ENKUR: variants seen among roughly 807,000 people sequenced by gnomAD.
ENKUR encodes enkurin.
A neutral mutation model predicts 27.6 loss-of-function variants in ENKUR; 19 were observed. The observed-to-expected ratio is 0.69, with a 90% CI of 0.48 to 1.01. The LOEUF (loss-of-function observed/expected upper bound fraction) is 1.01, where lower values mean the gene tolerates loss of function less well. Among genes scored for constraint, ENKUR ranks in the 50% least tolerant of loss-of-function variants. ENKUR has a pLI of 0.00. For synonymous variants in ENKUR, 117 were observed against 96.9 expected (o/e 1.21, Z -1.22); for missense variants, 312 against 310.5 (o/e 1.00, Z -0.04).
chr10:25,023,627 A>G, intron 2 of ENKUR: 9 of 1,614,184 alleles, frequency 5.6e-6, no homozygotes, highest in African/African-American at 1.3e-5. Flanking sequence ...ACTGGGTCCA[A>G]TCCAATGCAT....
At chr10:25,058,131 A>T in intron 2 of ENKUR, among the ~76,000 whole-genome samples, 1 of 152,060 alleles carries the variant, frequency 6.6e-6, no homozygotes, top group Non-Finnish European at 1.5e-5. Context: ...TTCCTGGTTC[A>T]GGAAGGTCTT....
Position 25,061,246 on chromosome 10 carries a change from G to A in ENKUR, c.-98C>T, listed in dbSNP as rs111240000. The A allele has an allele frequency of 6.4e-4, 671 of 1,056,588 alleles. 6 individuals are homozygous for A. The highest frequency in any genetic ancestry group is 5.8e-3 in the African/African-American group (366 of 63,616). The allele number at this position is 1,056,588 out of a possible 1,614,324, so 65.5% of individuals were successfully genotyped here. On this transcript the variant is annotated 5_prime_UTR_variant, in exon 2 of 6. Coordinates refer to the ENKUR transcript ENST00000615958. ...ATCGACCCTGGTTTGCAGCTATATG[G>A]TTGATGCTGCCAGACACATCCAGAT... is the stretch of plus-strand genomic sequence containing the variant.
chr10:24,984,706 AATTGTTATACTTTAAAG>A lies in ENKUR; in HGVS notation c.764+13_764+29del. The A allele has an allele frequency of 6.4e-7, 1 of 1,557,794 alleles. No homozygotes were observed. The highest frequency in any genetic ancestry group is 8.7e-7 in the Non-Finnish European group (1 of 1,155,612). On this transcript the variant is annotated intron_variant, in intron 5 of 5. Coordinates refer to ENST00000331161, the MANE Select transcript of ENKUR (RefSeq NM_145010.4). ...TCCATGTTTTTTTCCCCTACATTGA[AATTGTTATACTTTAAAG>A]ATCCATTCTTACTTATTGGCAATAT... is the stretch of plus-strand genomic sequence containing the variant.
At chr10:24,984,948 A>T (rs773613333) in intron 4 of ENKUR, 43 bp from the exon 5 acceptor site, 47 of 1,489,738 alleles carry the variant, frequency 3.2e-5, no homozygotes, top group Non-Finnish European at 4.3e-5. Flanking sequence ...AGCAAACTGC[A>T]AAAGTAAAGG....
intron 2 of ENKUR, among the ~76,000 whole-genome samples, chr10:25,041,524 T>C (rs1186887043): frequency 2.0e-5 from 3 of 152,196 alleles, no homozygotes; most frequent in African/African-American, 7.2e-5. Context: ...TCTAGTTACA[T>C]ATATACTAGA....
intron 2 of ENKUR, among the ~76,000 whole-genome samples, chr10:25,034,206 A>G (rs779113359): frequency 6.6e-6 from 1 of 152,300 alleles, no homozygotes; most frequent in African/African-American, 2.4e-5. Context: ...AGTAAAATTT[A>G]TAATAAACTT....
At chr10:25,020,278 A>ATCTATATCTATATC (rs1169344482), upstream of ENKUR, among the ~76,000 whole-genome samples, 1 of 148,846 alleles carries the variant, frequency 6.7e-6, no homozygotes, top group Non-Finnish European at 1.5e-5. Flanking sequence ...CTATATCTAT[A>ATCTATATCTATATC]TATATCTACC....
chr10:24,992,007 C>A (rs1849940049), intron 3 of ENKUR, among the ~76,000 whole-genome samples: 1 of 152,208 alleles, frequency 6.6e-6, no homozygotes, highest in Non-Finnish European at 1.5e-5. Flanking sequence ...CTATGGTACA[C>A]TCTGCGAGGG....
At chr10:25,057,715 T>C (rs574344611) in intron 2 of ENKUR, among the ~76,000 whole-genome samples, 146 of 152,118 alleles carry the variant, frequency 9.6e-4, no homozygotes, top group African/African-American at 3.4e-3. Flanking sequence ...TGCCTCCCAA[T>C]AGTGTTGGTA....
At chr10:25,005,609 A>G (rs574745900) in intron 1 of ENKUR, among the ~76,000 whole-genome samples, 113 of 152,340 alleles carry the variant, frequency 7.4e-4, no homozygotes, top group Middle Eastern at 6.8e-3. Flanking sequence ...TATCCAAATT[A>G]TTTCTTGAGG....
intron 2 of ENKUR, among the ~76,000 whole-genome samples, chr10:25,056,373 C>A (rs1398227846): frequency 1.3e-5 from 2 of 152,140 alleles, no homozygotes; most frequent in African/African-American, 4.8e-5. Flanking sequence ...GTCAGTCATG[C>A]AAATTTCTAT....
chr10:25,046,381 A>G (rs911308290), intron 2 of ENKUR, among the ~76,000 whole-genome samples: 17 of 152,138 alleles, frequency 1.1e-4, no homozygotes, highest in African/African-American at 4.1e-4. Flanking sequence ...TATTGCCTTC[A>G]TTTTCTCCTG....
intron 2 of ENKUR, among the ~76,000 whole-genome samples, chr10:25,054,654 C>A (rs1015400596): frequency 3.3e-5 from 5 of 149,768 alleles, no homozygotes; most frequent in Admixed American, 6.7e-5. Context: ...TCATTTAATT[C>A]CATAGCATTT....
chr10:25,023,971 T>C, intron 2 of ENKUR: 1 of 1,614,154 alleles, frequency 6.2e-7, no homozygotes, highest in Non-Finnish European at 8.5e-7. Context: ...TTCAGCAAAA[T>C]TCTTTAGTGA....
At chr10:25,058,154 AC>A (rs996222402) in intron 2 of ENKUR, among the ~76,000 whole-genome samples, 3 of 151,584 alleles carry the variant, frequency 2.0e-5, no homozygotes, top group African/African-American at 7.3e-5. Flanking sequence ...GGCTATTGTC[AC>A]CTTCCTCCCT....
chr10:24,991,377 T>C (rs1449667229), intron 3 of ENKUR, among the ~76,000 whole-genome samples: 1 of 152,000 alleles, frequency 6.6e-6, no homozygotes, highest in African/African-American at 2.4e-5. Context: ...CTTTGAAAAC[T>C]TATGCCTCCA....
chr10:25,010,707 T>C (rs1434237581), intron 1 of ENKUR, among the ~76,000 whole-genome samples: 1 of 140,254 alleles, frequency 7.1e-6, no homozygotes, highest in East Asian at 2.6e-4. Context: ...TGGTTTTTTG[T>C]CCTTGTGATA....
At position 25,030,075 on chromosome 10, in the gene ENKUR, CTT is replaced by C. The variant is rs1564352816; in HGVS notation, c.37+31035_37+31036del. Among the ~76,000 whole-genome samples, 4 of 152,280 alleles carry C rather than the reference CTT, an allele frequency of 2.6e-5. No individual in the cohort carries two copies. The East Asian group carries it at 7.7e-4, about 29-fold the overall frequency. On this transcript the variant is annotated intron_variant, in intron 2 of 5. Coordinates refer to the ENKUR transcript ENST00000615958. ...TATCTTTTTCTTGAAGATTTCCCCT[CTT>C]GAGTGCCTTTCCTGTTTTAAGGCAG... is the stretch of plus-strand genomic sequence containing the variant.
chr10:25,019,514 T>C (rs1339819095), upstream of ENKUR, among the ~76,000 whole-genome samples: 1 of 152,132 alleles, frequency 6.6e-6, no homozygotes, highest in Non-Finnish European at 1.5e-5. Flanking sequence ...ACAGTAAAAA[T>C]ACCACAAACA....
Sources: allele counts gnomAD v4.1 joint callset (sites outside exome capture counted in the v4.1 genomes callset), GRCh38; gene constraint gnomAD v4.1.1; transcripts MANE v1.5; gene names NCBI Gene and HGNC (gene_info 2026-07-23, HGNC 2026-07-21).